DCC: variants seen among roughly 807,000 people sequenced by gnomAD.
The protein encoded by DCC is DCC netrin 1 receptor, also known as netrin receptor DCC.
A neutral mutation model predicts 172.5 loss-of-function variants in DCC; 58 were observed. The ratio of observed to expected loss-of-function variants is 0.34; its 90% CI spans 0.27 to 0.42. DCC has a LOEUF of 0.42. Ranked by LOEUF, DCC falls within the 10% of genes least tolerant of loss-of-function variation. The probability of loss-of-function intolerance (pLI) is 1.00; values close to 1 mark genes in which losing one functional copy is unlikely to be tolerated. For synonymous variants in DCC, 709 were observed against 644.5 expected, an observed-to-expected ratio of 1.10 and a Z score of -1.52; for missense variants, 1,740 against 1,791.0, an observed-to-expected ratio of 0.97 and a Z score of 0.51.
intron 26 of DCC, among the ~76,000 whole-genome samples, chr18:53,497,552 C>A (rs2046039771): frequency 6.6e-6 from 1 of 152,298 alleles, no homozygotes; most frequent in African/African-American, 2.4e-5. Context: ...CGGTCATAGT[C>A]TCCTTTAGAT....
At chr18:52,753,269 G>A (rs1022197503) in intron 2 of DCC, among the ~76,000 whole-genome samples, 4 of 152,060 alleles carry the variant, frequency 2.6e-5, no homozygotes, top group Non-Finnish European at 5.9e-5. Flanking sequence ...AAAAAGGAAA[G>A]ATGTAAAAAG....
chr18:53,351,331 T>TATATATAC (rs1296797643), intron 15 of DCC, among the ~76,000 whole-genome samples: 2 of 47,704 alleles, frequency 4.2e-5, no homozygotes, highest in African/African-American at 1.6e-4. Context: ...TATATATATA[T>TATATATAC]ACAGTGTATA....
At chr18:53,515,032 T>C (rs1184186558) in intron 27 of DCC, among the ~76,000 whole-genome samples, 3 of 151,860 alleles carry the variant, frequency 2.0e-5, no homozygotes, top group African/African-American at 2.4e-5. Context: ...TTGATGAACA[T>C]TGATGCAAAA....
chr18:53,112,984 G>A (rs1439278639), intron 7 of DCC, among the ~76,000 whole-genome samples: 1 of 151,272 alleles, frequency 6.6e-6, no homozygotes, highest in Non-Finnish European at 1.5e-5. Context: ...TCTTTCCTTT[G>A]GATTCTTGCT....
intron 21 of DCC, among the ~76,000 whole-genome samples, chr18:53,421,654 C>G (rs1910649074): frequency 6.6e-6 from 1 of 152,170 alleles, no homozygotes; most frequent in South Asian, 2.1e-4. Context: ...TAGATACTTT[C>G]AGTTCTAGCA....
At chr18:53,247,424 A>G (rs1172164933) in intron 12 of DCC, among the ~76,000 whole-genome samples, 2 of 152,016 alleles carry the variant, frequency 1.3e-5, no homozygotes, top group African/African-American at 4.8e-5. Context: ...TGTGCTTATA[A>G]ATAGTGAAGA....
chr18:52,749,331 G>A (rs980096525), intron 1 of DCC, among the ~76,000 whole-genome samples: 4 of 152,052 alleles, frequency 2.6e-5, no homozygotes, highest in African/African-American at 7.2e-5. Context: ...GGCTTTTTTC[G>A]GCTTGAAGGT....
In DCC at chr18:52,906,445, TTTG is replaced by T. The variant is rs1008680436; in HGVS notation, c.697+120_697+122del. The T allele has an allele frequency of 2.8e-6, 3 of 1,087,758 alleles. No homozygotes were observed. The African/African-American group carries it at 4.7e-5, about 17-fold the overall frequency. 67.4% of individuals were successfully genotyped at this position (1,087,758 alleles called of 1,614,324 possible). A position where few individuals can be genotyped will look rare whatever the true frequency, so the allele number is the denominator to read the frequency against. ...ATAAGTTCTGTATTGTTCATTGCGT[TTTG>T]TTTATTATTTCTTTCTTCCTTGCCG... On this transcript the variant is annotated intron_variant, in intron 3 of 28. Transcript: ENST00000442544.
intron 2 of DCC, among the ~76,000 whole-genome samples, chr18:52,874,339 G>C (rs576682605): frequency 6.6e-6 from 1 of 152,084 alleles, no homozygotes; most frequent in South Asian, 2.1e-4. Context: ...AATGATTTTC[G>C]AAATGGCCAT....
At chr18:53,131,224 T>A (rs1242112563) in intron 7 of DCC, among the ~76,000 whole-genome samples, 2 of 152,110 alleles carry the variant, frequency 1.3e-5, no homozygotes, top group African/African-American at 4.8e-5. Context: ...TCTTGTACTA[T>A]CTTTGAAAAA....
chr18:53,132,358 C>A (rs1030070838), intron 7 of DCC, among the ~76,000 whole-genome samples: 1 of 152,000 alleles, frequency 6.6e-6, no homozygotes, highest in Non-Finnish European at 1.5e-5. Flanking sequence ...GATGAGTCGA[C>A]CTGAGCTGCT....
intron 1 of DCC, among the ~76,000 whole-genome samples, chr18:52,747,930 C>T (rs1175994665): frequency 2.0e-5 from 3 of 152,184 alleles, no homozygotes; most frequent in Non-Finnish European, 4.4e-5. Context: ...CTTCGCCAGC[C>T]GGAAATCTTC....
At chr18:52,696,070 A>G (rs2036006976) in intron 1 of DCC, among the ~76,000 whole-genome samples, 1 of 152,266 alleles carries the variant, frequency 6.6e-6, no homozygotes, top group Non-Finnish European at 1.5e-5. Context: ...CAAACAAACA[A>G]GAAATGAAAA....
intron 12 of DCC, among the ~76,000 whole-genome samples, chr18:53,264,337 A>C (rs558007433): frequency 6.6e-6 from 1 of 152,086 alleles, no homozygotes; most frequent in East Asian, 1.9e-4. Context: ...AAATGCAAAA[A>C]TTAGCCAGAC....
chr18:52,814,501 T>C (rs978917562), intron 2 of DCC, among the ~76,000 whole-genome samples: 1 of 152,180 alleles, frequency 6.6e-6, no homozygotes, highest in African/African-American at 2.4e-5. Flanking sequence ...TTGATCCTTG[T>C]ATCACAAACT....
intron 5 of DCC, among the ~76,000 whole-genome samples, chr18:53,005,939 G>T (rs2041638355): frequency 6.6e-6 from 1 of 152,118 alleles, no homozygotes; most frequent in Admixed American, 6.5e-5. Context: ...GGAAGTATGG[G>T]ATCAATGGGA....
intron 5 of DCC, among the ~76,000 whole-genome samples, chr18:53,036,855 T>C (rs1369118554): frequency 6.6e-6 from 1 of 152,006 alleles, no homozygotes; most frequent in Non-Finnish European, 1.5e-5. Flanking sequence ...GGAGATGTGT[T>C]CTTTCAGGCA....
At chr18:52,392,549 CTT>C (rs1986069111) in intron 1 of DCC, among the ~76,000 whole-genome samples, 1 of 152,064 alleles carries the variant, frequency 6.6e-6, no homozygotes, top group South Asian at 2.1e-4. Context: ...AGAAGAAAAA[CTT>C]AGTTCTAATG....
chr18:52,927,101 A>ATATATACACG lies in DCC; in HGVS notation c.985+1735_985+1736insTACACGTATA, dbSNP rs1190825247. 5.4e-5 allele frequency among the ~76,000 whole-genome samples: 6 copies of ATATATACACG among 111,586 alleles called. 1 individual carries two copies. Among genetic ancestry groups the ATATATACACG allele is most frequent in the Admixed American group, 1.7e-4 (2 of 11,978 alleles). The allele number at this position is 111,586 out of a possible 152,430, so 73.2% of individuals were successfully genotyped here. Reference sequence around the variant, plus strand: ...TGTGTATATACACGTATATACGTGTATATACACGTATATACGTGTATATAC... The same window carrying ATATATACACG: ...TGTGTATATACACGTATATACGTGTATATATACACGTATACACGTATATACGTGTATATAC... On this transcript the variant is annotated intron_variant, in intron 5 of 28. Coordinates refer to ENST00000442544, the MANE Select transcript of DCC (RefSeq NM_005215.4).
Sources: gnomAD v4.1 joint callset for allele counts (sites outside exome capture counted in the v4.1 genomes callset) on GRCh38, gnomAD v4.1.1 for gene constraint, MANE v1.5 for transcripts, NCBI Gene and HGNC (gene_info 2026-07-23, HGNC 2026-07-21) for gene names.